Variants in KLF12 observed in about 807,000 individuals in gnomAD.
KLF12 encodes the protein Krueppel-like factor 12.
In KLF12, 9 loss-of-function variants were observed where a neutral mutation model predicts 37.8. That is an observed-to-expected ratio of 0.24 (90% CI 0.14 to 0.42). The LOEUF is 0.42. Among genes scored for constraint, KLF12 ranks in the 10% least tolerant of loss-of-function variants. KLF12 has a pLI of 1.00. For synonymous variants in KLF12, 208 were observed against 202.1 expected (o/e 1.03, Z -0.25); for missense variants, 411 against 516.0 (o/e 0.80, Z 1.97).
chr13:73,850,399 C>G (rs749288055), intron 3 of KLF12, among the ~76,000 whole-genome samples: 1 of 152,100 alleles, frequency 6.6e-6, no homozygotes, highest in African/African-American at 2.4e-5. Flanking sequence ...GAATCTAAAA[C>G]CTCCTACTTG....
intron 1 of KLF12, among the ~76,000 whole-genome samples, chr13:74,106,395 A>G (rs1876650768): frequency 6.6e-6 from 1 of 152,218 alleles, no homozygotes; most frequent in Non-Finnish European, 1.5e-5. Flanking sequence ...ATACTTCACT[A>G]CAAGAGGAAA....
the KLF12 span, among the ~76,000 whole-genome samples, chr13:74,150,252 T>C: frequency 6.6e-6 from 1 of 152,206 alleles, no homozygotes; most frequent in African/African-American, 2.4e-5. Flanking sequence ...CTAATACATG[T>C]TGAAGCAATT....
chr13:74,099,020 T>C (rs148743642), intron 1 of KLF12, among the ~76,000 whole-genome samples: 23 of 152,148 alleles, frequency 1.5e-4, no homozygotes, highest in South Asian at 2.1e-4. Context: ...ACTGGACATA[T>C]ATACATCATT....
chr13:73,899,529 G>T (rs993969257), intron 3 of KLF12, among the ~76,000 whole-genome samples: 2 of 152,198 alleles, frequency 1.3e-5, no homozygotes, highest in African/African-American at 4.8e-5. Flanking sequence ...TAAGGAATAT[G>T]CAGACAGCTG....
chr13:73,796,173 A>G (rs1881950032), intron 5 of KLF12, among the ~76,000 whole-genome samples: 1 of 152,212 alleles, frequency 6.6e-6, no homozygotes, highest in Non-Finnish European at 1.5e-5. Flanking sequence ...TCTCTAGTGT[A>G]CAGAAATGAC....
chr13:74,204,389 ACCCC>A, the KLF12 span, among the ~76,000 whole-genome samples: 3 of 152,154 alleles, frequency 2.0e-5, no homozygotes, highest in East Asian at 5.8e-4. Context: ...TGTAACCATC[ACCCC>A]AATAATATAC....
intron 5 of KLF12, among the ~76,000 whole-genome samples, chr13:73,786,078 G>A (rs1376305067): frequency 6.6e-6 from 1 of 151,740 alleles, no homozygotes; most frequent in Admixed American, 6.6e-5. Flanking sequence ...GTGCAAAGAG[G>A]CTGGGTCTTC....
At chr13:73,762,247 C>G (rs1308451753) in intron 6 of KLF12, among the ~76,000 whole-genome samples, 1 of 152,120 alleles carries the variant, frequency 6.6e-6, no homozygotes, top group African/African-American at 2.4e-5. Flanking sequence ...ACTTTCAATT[C>G]CAGTGGATTT....
chr13:73,735,804 G>A (rs923245052), intron 6 of KLF12, among the ~76,000 whole-genome samples: 4 of 152,146 alleles, frequency 2.6e-5, no homozygotes, highest in South Asian at 2.1e-4. Context: ...ATACTACTGA[G>A]TTACCCACGT....
At chr13:73,847,201 C>T (rs973831213) in intron 3 of KLF12, among the ~76,000 whole-genome samples, 7 of 152,070 alleles carry the variant, frequency 4.6e-5, no homozygotes, top group Admixed American at 3.9e-4. Context: ...TGTCTGCTTG[C>T]AAGTCCCCAA....
chr13:73,947,876 C>T (rs983001166), intron 2 of KLF12, among the ~76,000 whole-genome samples: 2 of 152,060 alleles, frequency 1.3e-5, no homozygotes, highest in African/African-American at 4.8e-5. Context: ...CCTAACCTCC[C>T]AAGGCAGGTC....
intron 5 of KLF12, among the ~76,000 whole-genome samples, chr13:73,776,722 T>G (rs947150095): frequency 2.0e-5 from 3 of 152,218 alleles, no homozygotes; most frequent in African/African-American, 7.2e-5. Context: ...ACATATTGGT[T>G]ATTACTATAT....
chr13:73,810,203 C>T (rs1225163312), intron 5 of KLF12, among the ~76,000 whole-genome samples: 1 of 151,918 alleles, frequency 6.6e-6, no homozygotes, highest in Non-Finnish European at 1.5e-5. Flanking sequence ...TGAGATGGTG[C>T]CACTGCACTC....
the KLF12 span, among the ~76,000 whole-genome samples, chr13:74,295,118 C>G: frequency 6.6e-6 from 1 of 152,210 alleles, no homozygotes; most frequent in Non-Finnish European, 1.5e-5. Flanking sequence ...AATGGAGATA[C>G]TACTGCTTAT....
chr13:74,210,873 A>ACTCACAGGCATTCGTAGC, the KLF12 span, among the ~76,000 whole-genome samples: 3 of 152,102 alleles, frequency 2.0e-5, no homozygotes, highest in Non-Finnish European at 4.4e-5. Context: ...CTGGTTGCCA[A>ACTCACAGGCATTCGTAGC]CTCACAGGCA....
At chr13:74,068,516 A>T (rs1874044893) in intron 1 of KLF12, among the ~76,000 whole-genome samples, 1 of 152,040 alleles carries the variant, frequency 6.6e-6, no homozygotes, top group Admixed American at 6.6e-5. Flanking sequence ...AGATTGATAG[A>T]AGATGTATTT....
chr13:74,082,583 T>G (rs1336958805), intron 1 of KLF12, among the ~76,000 whole-genome samples: 4 of 152,152 alleles, frequency 2.6e-5, no homozygotes, highest in African/African-American at 9.7e-5. Flanking sequence ...GTGTGCTGAC[T>G]TAAACATCTG....
intron 5 of KLF12, among the ~76,000 whole-genome samples, chr13:73,793,068 T>G (rs951411528): frequency 1.3e-5 from 2 of 152,156 alleles, no homozygotes; most frequent in Non-Finnish European, 2.9e-5. Context: ...AAACAACTAG[T>G]ACAAAGTGAC....
chr13:73,890,839 C>T (rs1594216993), intron 3 of KLF12, among the ~76,000 whole-genome samples: 3 of 152,188 alleles, frequency 2.0e-5, no homozygotes, highest in East Asian at 3.9e-4. Context: ...TTCTGCTTTC[C>T]TTAGTCCTTT....
Sources: gnomAD v4.1 joint callset for allele counts (sites outside exome capture counted in the v4.1 genomes callset) on GRCh38, gnomAD v4.1.1 for gene constraint, MANE v1.5 for transcripts, NCBI Gene and HGNC (gene_info 2026-07-23, HGNC 2026-07-21) for gene names.